PLEKHG1: variants seen among roughly 807,000 people sequenced by gnomAD.
PLEKHG1 encodes the protein pleckstrin homology domain-containing family G member 1.
A neutral mutation model predicts 100.8 loss-of-function variants in PLEKHG1; 44 were observed. The observed-to-expected ratio is 0.44, with a 90% CI of 0.34 to 0.56. The LOEUF is 0.56. Ranked by LOEUF, PLEKHG1 falls within the 20% of genes least tolerant of loss-of-function variation. PLEKHG1 has a pLI of 0.01. For synonymous variants in PLEKHG1, 640 were observed against 662.5 expected (o/e 0.97, Z 0.52); for missense variants, 1,545 against 1,720.9 (o/e 0.90, Z 1.81).
chr6:150,785,597 C>T (rs1785578012), intron 3 of PLEKHG1, among the ~76,000 whole-genome samples: 1 of 152,160 alleles, frequency 6.6e-6, no homozygotes, highest in Non-Finnish European at 1.5e-5. Context: ...GCATATCTCT[C>T]CTTTAAAGCA....
intron 2 of PLEKHG1, among the ~76,000 whole-genome samples, chr6:150,639,604 G>A (rs1778164852): frequency 6.6e-6 from 1 of 151,730 alleles, no homozygotes; most frequent in East Asian, 1.9e-4. Flanking sequence ...AGACAATGAA[G>A]CAGGCAGGTG....
intron 2 of PLEKHG1, among the ~76,000 whole-genome samples, chr6:150,767,381 A>G (rs559739784): frequency 6.6e-6 from 1 of 152,354 alleles, no homozygotes; most frequent in Non-Finnish European, 1.5e-5. Context: ...TCTTAAGAAG[A>G]AAAGTTGTTA....
chr6:150,656,489 T>C (rs1457326572), intron 3 of PLEKHG1, among the ~76,000 whole-genome samples: 1 of 152,110 alleles, frequency 6.6e-6, no homozygotes, highest in Non-Finnish European at 1.5e-5. Flanking sequence ...GTAAGGTTAA[T>C]TGGTTTCTGT....
intron 1 of PLEKHG1, among the ~76,000 whole-genome samples, chr6:150,629,088 A>C (rs926611371): frequency 6.6e-6 from 1 of 152,194 alleles, no homozygotes; most frequent in Admixed American, 6.5e-5. Context: ...CGCCAGCAGC[A>C]GTTTAGAGTG....
intron 1 of PLEKHG1, among the ~76,000 whole-genome samples, chr6:150,636,998 C>A (rs1460696241): frequency 6.6e-6 from 1 of 152,188 alleles, no homozygotes. Flanking sequence ...ACAGGACTTT[C>A]CCAGTTTTAG....
intron 4 of PLEKHG1, 85 bp from the exon 6 acceptor site, chr6:150,795,771 G>A (rs1367417455): frequency 1.6e-5 from 12 of 760,062 alleles, no homozygotes; most frequent in African/African-American, 8.8e-5. Flanking sequence ...GTCAAGGCCC[G>A]AATGCTATTT....
intron 3 of PLEKHG1, among the ~76,000 whole-genome samples, chr6:150,657,027 G>C (rs543645785): frequency 6.6e-6 from 1 of 152,230 alleles, no homozygotes; most frequent in South Asian, 2.1e-4. Flanking sequence ...TTTAGTTATA[G>C]CACTGGCTCC....
At chr6:150,803,449 A>G (rs1203226954) in intron 6 of PLEKHG1, among the ~76,000 whole-genome samples, 1 of 152,248 alleles carries the variant, frequency 6.6e-6, no homozygotes, top group Non-Finnish European at 1.5e-5. Context: ...CTGAGAAGAT[A>G]AAGAATCAAA....
At chr6:150,813,833 C>T (rs752178491) in intron 10 of PLEKHG1, among the ~76,000 whole-genome samples, 19 of 152,006 alleles carry the variant, frequency 1.2e-4, no homozygotes, top group Admixed American at 2.0e-4. Context: ...GGTCAAGGAA[C>T]TAGGGTGGTG....
chr6:150,787,030 CAA>C (rs555809522), intron 4 of PLEKHG1, among the ~76,000 whole-genome samples: 13 of 58,010 alleles, frequency 2.2e-4, no homozygotes, highest in African/African-American at 5.2e-4. Context: ...GACTCTGTCT[CAA>C]AAAAAAAAAA....
At chr6:150,696,165 A>C (rs1454238021) in intron 3 of PLEKHG1, among the ~76,000 whole-genome samples, 1 of 152,196 alleles carries the variant, frequency 6.6e-6, no homozygotes, top group Non-Finnish European at 1.5e-5. Context: ...CTCTGTCAAT[A>C]GTTCTTAAAG....
At chr6:150,801,427 CTTTTCTTTTCTTTTTT>C (rs1161345798) in intron 6 of PLEKHG1, among the ~76,000 whole-genome samples, 1 of 132,952 alleles carries the variant, frequency 7.5e-6, no homozygotes, top group Non-Finnish European at 1.5e-5. Flanking sequence ...ATTCTTTTTT[CTTTTCTTTTCTTTTTT>C]TTTTTTTTTT....
chr6:150,672,241 T>C (rs888699173), intron 3 of PLEKHG1, among the ~76,000 whole-genome samples: 2 of 152,258 alleles, frequency 1.3e-5, no homozygotes, highest in African/African-American at 4.8e-5. Context: ...TTTTATCTGC[T>C]GTGCAAGTAC....
intron 3 of PLEKHG1, among the ~76,000 whole-genome samples, chr6:150,702,596 ATAT>A (rs1780844000): frequency 1.4e-5 from 1 of 70,990 alleles, no homozygotes; most frequent in South Asian, 4.1e-4. Flanking sequence ...GTGTGTACTT[ATAT>A]ATATGTCATC....
At chr6:150,705,539 A>T (rs1254139537) in intron 3 of PLEKHG1, among the ~76,000 whole-genome samples, 1 of 152,246 alleles carries the variant, frequency 6.6e-6, no homozygotes, top group African/African-American at 2.4e-5. Context: ...CCCACCTGCC[A>T]GGAGGTGTGC....
chr6:150,697,925 GTT>G (rs67973235), intron 3 of PLEKHG1, among the ~76,000 whole-genome samples: 117,840 of 148,756 alleles, frequency 0.79, 46,790 homozygotes, highest in East Asian at 0.87. Flanking sequence ...TGGCAGTGGT[GTT>G]TTTTTTTTTT....
chr6:150,824,674 C>T (rs76227486), intron 14 of PLEKHG1, among the ~76,000 whole-genome samples: 1 of 151,322 alleles, frequency 6.6e-6, no homozygotes, highest in Non-Finnish European at 1.5e-5. Context: ...GGACTACAGG[C>T]ACCCGCCACT....
chr6:150,833,427 T>C (rs1416862925), intron 15 of PLEKHG1, among the ~76,000 whole-genome samples: 1 of 152,262 alleles, frequency 6.6e-6, no homozygotes, highest in Admixed American at 6.5e-5. Flanking sequence ...TATATGCTTC[T>C]GAGTTTAATG....
intron 1 of PLEKHG1, 79 bp from the exon 3 acceptor site, chr6:150,733,505 C>T: frequency 7.9e-7 from 1 of 1,258,278 alleles, no homozygotes; most frequent in Non-Finnish European, 1.1e-6. Context: ...TTTATTTGAG[C>T]TAGGTTTTTA....
Sources: allele counts gnomAD v4.1 joint callset (sites outside exome capture counted in the v4.1 genomes callset), GRCh38; gene constraint gnomAD v4.1.1; transcripts MANE v1.5; gene names NCBI Gene and HGNC (gene_info 2026-07-23, HGNC 2026-07-21).